Variants in PER2 observed in about 807,000 individuals in gnomAD.
PER2 encodes the protein period circadian regulator 2.
PER2 carries 66 observed loss-of-function variants against 121.0 expected under a neutral mutation model. The ratio of observed to expected loss-of-function variants is 0.55; its 90% CI spans 0.45 to 0.67. The LOEUF (loss-of-function observed/expected upper bound fraction) is 0.67, where lower values mean the gene tolerates loss of function less well. Ranked by LOEUF, PER2 falls within the 30% of genes least tolerant of loss-of-function variation. PER2 has a pLI of 0.00. For synonymous variants in PER2, 684 were observed against 659.9 expected (o/e 1.04, Z -0.56); for missense variants, 1,521 against 1,635.0 (o/e 0.93, Z 1.20).
intron 1 of PER2, among the ~76,000 whole-genome samples, chr2:238,279,575 C>A (rs745534117): frequency 1.3e-5 from 2 of 152,202 alleles, no homozygotes; most frequent in Non-Finnish European, 2.9e-5. Context: ...TCCACTTCTG[C>A]ATGGCATCCG....
intron 1 of PER2, among the ~76,000 whole-genome samples, chr2:238,278,510 G>T (rs549775190): frequency 6.6e-6 from 1 of 152,168 alleles, no homozygotes; most frequent in Admixed American, 6.5e-5. Flanking sequence ...AGCTGCTGAC[G>T]GCCTCATCAG....
Position 238,253,828 on chromosome 2 carries a change from C to T in PER2, c.2321-126G>A, listed in dbSNP as rs960304226. The T allele has an allele frequency of 1.4e-6, 1 of 730,918 alleles. No homozygotes were observed. The highest frequency in any genetic ancestry group is 2.4e-6 in the Non-Finnish European group (1 of 422,408). The allele number at this position is 730,918 out of a possible 1,614,324, so 45.3% of individuals were successfully genotyped here. A position where few individuals can be genotyped will look rare whatever the true frequency, so the allele number is the denominator to read the frequency against. On this transcript the variant is annotated intron_variant, in intron 18 of 22. Transcript: ENST00000254657. The surrounding 1 kb of genome is among the most constrained non-coding windows in gnomAD (Gnocchi z 5.6). ...CCTGCCTGGTCCACCGAGCGGTTTT[C>T]CCTGATCCTCAGTGAAGTGAGAAAA...
In PER2 at chr2:238,277,795, A is replaced by T; in HGVS notation, c.142T>A (p.Ser48Thr). 5 of 1,614,112 alleles carry T rather than the reference A, an allele frequency of 3.1e-6. No individual in the cohort carries two copies. Among genetic ancestry groups the T allele is most frequent in the Non-Finnish European group, 4.2e-6 (5 of 1,180,004 alleles). ...SSGHETNENC[S>T]TGRDSQGSDC... ...CTGCCCTGCGAGTCCCGCCCCGTGG[A>T]GCAGTTTTCGTTGGTCTCATGTCCA... The change falls in exon 2 of 23, where the codon TCC (serine) becomes ACC (threonine). Residue 48 changes from serine to threonine, a missense_variant. Ser to Thr is a moderately conservative substitution (Grantham distance 58). Transcript: ENST00000254657.
chr2:238,281,714 C>T (rs1348155157), intron 1 of PER2, among the ~76,000 whole-genome samples: 1 of 152,232 alleles, frequency 6.6e-6, no homozygotes, highest in Non-Finnish European at 1.5e-5. Flanking sequence ...CAAAAATTAA[C>T]AGGACTGATC....
chr2:238,249,075 G>C lies in PER2; in HGVS notation c.3605C>G (p.Ala1202Gly), dbSNP rs761159853. 1 of 1,614,116 alleles carries C rather than the reference G, an allele frequency of 6.2e-7. No homozygotes were observed. The highest frequency in any genetic ancestry group is 8.5e-7 in the Non-Finnish European group (1 of 1,180,020). The change falls in exon 22 of 23, where the codon GCC becomes GGC. Residue 1202 changes from alanine (A) to glycine (G), a missense_variant. Physicochemically the swap from Ala to Gly is moderately conservative, Grantham distance 60. Transcript: ENST00000254657. ...CCGTGAGCTTACTGCCACGTCGATGGCTGCGGGCAGGCCGCCCGTCTGCAT... is the reference window on the plus strand; with the variant it reads ...CCGTGAGCTTACTGCCACGTCGATGCCTGCGGGCAGGCCGCCCGTCTGCAT... ...QWMQTGGLPA[A>G]IDVAECVYCE...
upstream of PER2, chr2:238,289,182 G>C (rs547356133): frequency 1.3e-5 from 2 of 152,200 alleles, no homozygotes; most frequent in Non-Finnish European, 2.9e-5. Flanking sequence ...CGCCGAAGCC[G>C]GACGAGGGAG....
At chr2:238,291,297 G>A (rs747016878), upstream of PER2, among the ~76,000 whole-genome samples, 14 of 152,232 alleles carry the variant, frequency 9.2e-5, no homozygotes, top group Non-Finnish European at 1.5e-4. Context: ...CCTGGCCCAA[G>A]TTGGCCCACC....
chr2:238,272,655 CT>C (rs1297273581), intron 5 of PER2, among the ~76,000 whole-genome samples: 1 of 152,228 alleles, frequency 6.6e-6, no homozygotes, highest in East Asian at 1.9e-4. Context: ...AGGGGCCCAC[CT>C]TTGGGTGTGC....
the PER2 span, chr2:238,298,582 A>C: frequency 6.6e-6 from 1 of 152,240 alleles, no homozygotes; most frequent in Non-Finnish European, 1.5e-5. Flanking sequence ...GGGAGGGGGA[A>C]AAGTCAGAGA....
chr2:238,291,948 ACC>A (rs1696957788), upstream of PER2, among the ~76,000 whole-genome samples: 1 of 152,080 alleles, frequency 6.6e-6, no homozygotes, highest in Non-Finnish European at 1.5e-5. Context: ...GATTTCTTGA[ACC>A]CAGGAGTTTG....
At chr2:238,257,240 G>A (rs1695791553) in intron 16 of PER2, among the ~76,000 whole-genome samples, 154 bp from the exon 17 acceptor site, 1 of 152,234 alleles carries the variant, frequency 6.6e-6, no homozygotes, top group African/African-American at 2.4e-5. Context: ...CAGGCATGGG[G>A]TGATTTGTCC....
At position 238,273,148 on chromosome 2, in the gene PER2, G is replaced by C. The variant is rs773980468; in HGVS notation, c.492C>G (p.His164Gln). 13 of 1,613,824 alleles carry C rather than the reference G, an allele frequency of 8.1e-6. No individual in the cohort carries two copies. In the Admixed American group the frequency reaches 2.0e-4, roughly 25 times the overall value. Residue 164 changes from histidine (H) to glutamine (Q), a missense_variant, in exon 5 of 23, where the codon CAC (histidine) becomes CAG (glutamine). Physicochemically the swap from His to Gln is conservative, Grantham distance 24. Transcript: ENST00000254657. ...YYQLLMSSEG[H>Q]PCGADVPSYT... ...AGGAGGGCACGTCTGCTCCACAGGG[G>C]TGACCCTCGCTGGACATCAGCAGCT... is the stretch of plus-strand genomic sequence containing the variant.
the PER2 span, among the ~76,000 whole-genome samples, chr2:238,297,633 C>T: frequency 0.02 from 3,075 of 152,290 alleles, 50 homozygotes; most frequent in Non-Finnish European, 0.032. Context: ...AGACTGTGTG[C>T]CCTGGACCAC....
chr2:238,262,238 T>C lies in PER2; in HGVS notation c.1260A>G (p.Pro420=), dbSNP rs1178243438. ...LDTSWSSFIN[P]WSRKISFIIG... ...TGATGAAGGAGATTTTCCTGCTCCATGGGTTGATGAAGCTGGACCAGCTGG... is the reference window on the plus strand; with the variant it reads ...TGATGAAGGAGATTTTCCTGCTCCACGGGTTGATGAAGCTGGACCAGCTGG... Residue 420 remains proline (P), a synonymous_variant, in exon 11 of 23, where the codon CCA becomes CCG. Transcript: ENST00000254657. 2.5e-6 allele frequency: 4 copies of C among 1,613,908 alleles called. No homozygotes were observed. The highest frequency in any genetic ancestry group is 3.4e-6 in the Non-Finnish European group (4 of 1,179,976).
At position 238,261,872 on chromosome 2, in the gene PER2, C is replaced by T. The variant is rs375864702; in HGVS notation, c.1308-35G>A. On this transcript the variant is annotated intron_variant, in intron 11 of 22. Transcript: ENST00000254657. ...TTTAATTCATCTTGTTAGATGGGGC[C>T]CCACAGGAGGACCTCTCTGGCGTGA... is the stretch of plus-strand genomic sequence containing the variant. 297 of 1,456,344 alleles carry T rather than the reference C, an allele frequency of 2.0e-4. No individual in the cohort carries two copies. The African/African-American group carries it at 3.5e-3, about 17-fold the overall frequency. The allele number at this position is 1,456,344 out of a possible 1,614,324, so 90.2% of individuals were successfully genotyped here.
At chr2:238,286,618 G>A (rs916790591) in intron 1 of PER2, among the ~76,000 whole-genome samples, 6 of 152,210 alleles carry the variant, frequency 3.9e-5, no homozygotes, top group African/African-American at 1.4e-4. Context: ...TCTCTGCCAA[G>A]CTTATGGAAT....
rs556692070 is a variant in PER2, at chr2:238,268,596, C to T, written c.824+327G>A. ...ACCAAGACCCTTGTCGGGAAAGCTA[C>T]GGGTCTCTCCCCAGAAAAACGCACA... On this transcript the variant is annotated intron_variant, in intron 7 of 22. Coordinates refer to ENST00000254657, the MANE Select transcript of PER2 (RefSeq NM_022817.3). This position sits in a 1 kb window ranked among gnomAD's most constrained non-coding sequence, Gnocchi z 4.0. 5.3e-5 allele frequency among the ~76,000 whole-genome samples: 8 copies of T among 152,320 alleles called. No homozygotes were observed. Among genetic ancestry groups the T allele is most frequent in the African/African-American group, 9.6e-5 (4 of 41,578 alleles).
rs1288430752 is a variant in PER2, at chr2:238,253,721, T to C, written c.2321-19A>G. 6.4e-7 allele frequency: 1 copy of C among 1,564,064 alleles called. No homozygotes were observed. Among genetic ancestry groups the C allele is most frequent in the South Asian group, 1.1e-5 (1 of 87,292 alleles). On this transcript the variant is annotated intron_variant, in intron 18 of 22. Transcript: ENST00000254657. This position sits in a 1 kb window ranked among gnomAD's most constrained non-coding sequence, Gnocchi z 5.6. Reference sequence around the variant, plus strand: ...GGGGCAGCTAATGCAGAAAAACAAATACTCGGAGTTAAAATTTTAACTCCA... The same window carrying C: ...GGGGCAGCTAATGCAGAAAAACAAACACTCGGAGTTAAAATTTTAACTCCA...
intron 14 of PER2, among the ~76,000 whole-genome samples, chr2:238,259,268 C>T (rs1278745439): frequency 1.3e-5 from 2 of 152,222 alleles, no homozygotes; most frequent in East Asian, 3.9e-4. Context: ...GAGGCTTCGG[C>T]CTGAGCACAG....
Sources: allele counts gnomAD v4.1 joint callset (sites outside exome capture counted in the v4.1 genomes callset), GRCh38; gene constraint gnomAD v4.1.1; non-coding constraint Gnocchi (gnomAD v3.1); transcripts MANE v1.5; gene names NCBI Gene and HGNC (gene_info 2026-07-23, HGNC 2026-07-21).